Variants in PIGK observed in about 807,000 individuals in gnomAD.
PIGK encodes phosphatidylinositol glycan anchor biosynthesis class K, also known as GPI-anchor transamidase.
PIGK carries 42 observed loss-of-function variants against 50.6 expected under a neutral mutation model. The observed-to-expected ratio is 0.83, with a 90% CI of 0.65 to 1.07. The LOEUF (loss-of-function observed/expected upper bound fraction) is 1.07. Among genes scored for constraint, PIGK ranks in the 50% least tolerant of loss-of-function variants. The probability of loss-of-function intolerance (pLI) is 0.00; values close to 1 mark genes in which losing one functional copy is unlikely to be tolerated. For synonymous variants in PIGK, 151 were observed against 156.0 expected, an observed-to-expected ratio of 0.97 and a Z score of 0.24; for missense variants, 448 against 488.7, an observed-to-expected ratio of 0.92 and a Z score of 0.78.
intron 5 of PIGK, among the ~76,000 whole-genome samples, chr1:77,166,322 T>TAGATTACCAAC (rs1237637401): frequency 6.6e-6 from 1 of 152,094 alleles, no homozygotes; most frequent in African/African-American, 2.4e-5. Context: ...GTATCTACAG[T>TAGATTACCAAC]TGGTAATCTT....
chr1:77,141,492 A>G (rs1353764456), intron 9 of PIGK, among the ~76,000 whole-genome samples: 1 of 152,160 alleles, frequency 6.6e-6, no homozygotes, highest in South Asian at 2.1e-4. Context: ...CTTTCAGAAT[A>G]ATAAGTCACA....
chr1:77,163,597 C>T (rs1157515561), intron 6 of PIGK, among the ~76,000 whole-genome samples: 1 of 151,962 alleles, frequency 6.6e-6, no homozygotes, highest in Non-Finnish European at 1.5e-5. Flanking sequence ...CACTTATTTC[C>T]TCTAAAAAAG....
intron 9 of PIGK, among the ~76,000 whole-genome samples, chr1:77,149,869 C>T (rs1654854964): frequency 6.6e-6 from 1 of 151,444 alleles, no homozygotes; most frequent in African/African-American, 2.4e-5. Context: ...TCAACAAATT[C>T]AAAAAAGCTG....
At chr1:77,159,217 T>C (rs1655081029) in intron 8 of PIGK, among the ~76,000 whole-genome samples, 1 of 152,150 alleles carries the variant, frequency 6.6e-6, no homozygotes. Context: ...CTGGGCAGCT[T>C]ACACATGGTG....
chr1:77,130,297 C>A (rs1279485009), intron 9 of PIGK, among the ~76,000 whole-genome samples: 13 of 41,494 alleles, frequency 3.1e-4, no homozygotes, highest in South Asian at 1.6e-3. Flanking sequence ...TACTCCTAAG[C>A]AAAAAAAAAA....
intron 3 of PIGK, among the ~76,000 whole-genome samples, chr1:77,187,045 TG>T (rs1655766389): frequency 6.6e-6 from 1 of 152,302 alleles, no homozygotes; most frequent in South Asian, 2.1e-4. Flanking sequence ...TCCACCGTCA[TG>T]GTATTTCACA....
intron 9 of PIGK, among the ~76,000 whole-genome samples, chr1:77,134,917 A>G (rs2653470): frequency 0.037 from 5,576 of 152,106 alleles, 267 homozygotes; most frequent in African/African-American, 0.11. Context: ...CAAATTCCCA[A>G]ATATATGTTT....
chr1:77,136,300 C>T (rs1219633172), intron 9 of PIGK, among the ~76,000 whole-genome samples: 2 of 151,840 alleles, frequency 1.3e-5, no homozygotes, highest in Non-Finnish European at 1.5e-5. Flanking sequence ...GAGGCCGAGG[C>T]GGGCGGATCA....
intron 9 of PIGK, among the ~76,000 whole-genome samples, chr1:77,125,518 C>T (rs1160172562): frequency 6.6e-6 from 1 of 152,054 alleles, no homozygotes; most frequent in Non-Finnish European, 1.5e-5. Flanking sequence ...ATGTCCATTG[C>T]TTTCTTGCTT....
At position 77,113,917 on chromosome 1, in the gene PIGK, A is replaced by T. The variant is rs979694667; in HGVS notation, c.1071+8358T>A. On this transcript the variant is annotated intron_variant, in intron 10 of 10. Coordinates refer to ENST00000370812, the MANE Select transcript of PIGK (RefSeq NM_005482.3). ...CTCTTCATATCTCTACATGTCTTAA[A>T]CCCTCTTTGGGAAGTCAAGTGCAGC... Among the ~76,000 whole-genome samples, 3 of 152,072 alleles carry T rather than the reference A, an allele frequency of 2.0e-5. No homozygotes were observed. In the South Asian group the frequency reaches 6.2e-4, roughly 31 times the overall value.
chr1:77,115,083 G>A (rs1400004164), intron 10 of PIGK, among the ~76,000 whole-genome samples: 1 of 152,092 alleles, frequency 6.6e-6, no homozygotes, highest in African/African-American at 2.4e-5. Context: ...AATGGGGTAG[G>A]TATTACTGTA....
chr1:77,218,189 C>A (rs887475152), intron 1 of PIGK, among the ~76,000 whole-genome samples: 1 of 152,268 alleles, frequency 6.6e-6, no homozygotes, highest in South Asian at 2.1e-4. Flanking sequence ...AGTAGGCAAG[C>A]ACCAGGTCAT....
At chr1:77,096,396 C>G (rs1570176138) in intron 10 of PIGK, among the ~76,000 whole-genome samples, 1 of 152,090 alleles carries the variant, frequency 6.6e-6, no homozygotes, top group East Asian at 1.9e-4. Flanking sequence ...TCCTTTGAAT[C>G]AGCAGGTCTT....
At chr1:77,165,745 G>T (rs551000316) in intron 5 of PIGK, among the ~76,000 whole-genome samples, 1 of 152,254 alleles carries the variant, frequency 6.6e-6, no homozygotes, top group South Asian at 2.1e-4. Context: ...GGCATGCACA[G>T]AGGAAAGTCC....
intron 1 of PIGK, among the ~76,000 whole-genome samples, chr1:77,213,784 A>G (rs147479239): frequency 6.6e-6 from 1 of 152,258 alleles, no homozygotes; most frequent in East Asian, 1.9e-4. Context: ...AACAATATCA[A>G]CAAACCTTTA....
intron 1 of PIGK, among the ~76,000 whole-genome samples, chr1:77,214,841 G>A (rs765414291): frequency 2.6e-4 from 40 of 152,084 alleles, no homozygotes; most frequent in East Asian, 5.8e-4. Context: ...AATCAATGGC[G>A]TTTCTATATA....
At chr1:77,100,720 A>G (rs754094147) in intron 10 of PIGK, among the ~76,000 whole-genome samples, 10 of 152,204 alleles carry the variant, frequency 6.6e-5, no homozygotes, top group Non-Finnish European at 1.3e-4. Flanking sequence ...TCTAGATATC[A>G]GAGATTGAAG....
chr1:77,129,173 C>T, intron 9 of PIGK: 1 of 1,560,036 alleles, frequency 6.4e-7, no homozygotes, highest in Non-Finnish European at 8.8e-7. Flanking sequence ...CAAGAGGTTC[C>T]AATCTTCGTG....
chr1:77,110,542 A>C (rs1653814180), intron 10 of PIGK, among the ~76,000 whole-genome samples: 1 of 152,210 alleles, frequency 6.6e-6, no homozygotes. Flanking sequence ...GGTGCTGGGA[A>C]AACTGGCTAG....
Sources: allele counts gnomAD v4.1 joint callset (sites outside exome capture counted in the v4.1 genomes callset), GRCh38; gene constraint gnomAD v4.1.1; transcripts MANE v1.5; gene names NCBI Gene and HGNC (gene_info 2026-07-23, HGNC 2026-07-21).